RHNO1: variants seen among roughly 807,000 people sequenced by gnomAD.
The protein encoded by RHNO1 is RAD9-HUS1-RAD1 interacting nuclear orphan 1, also known as RAD9, HUS1, RAD1-interacting nuclear orphan protein 1.
RHNO1 carries 9 observed loss-of-function variants against 7.2 expected under a neutral mutation model. The ratio of observed to expected loss-of-function variants is 1.25; its 90% CI spans 0.75 to 2.18. The LOEUF (loss-of-function observed/expected upper bound fraction) is 2.18, where lower values mean the gene tolerates loss of function less well. RHNO1 is among the 30% of genes most tolerant of loss of function. RHNO1 has a pLI of 0.00. For missense variants in RHNO1, 292 were observed against 284.5 expected (o/e 1.03, Z -0.19); for synonymous variants, 95 against 107.5 (o/e 0.88, Z 0.72).
At position 2,885,454 on chromosome 12, in the gene RHNO1, T is replaced by G; in HGVS notation, c.88T>G (p.Cys30Gly). 6.2e-7 allele frequency: 1 copy of G among 1,613,372 alleles called. No homozygotes were observed. Among genetic ancestry groups the G allele is most frequent in the Non-Finnish European group, 8.5e-7 (1 of 1,179,852 alleles). ...ACCACTGGAGGGCCCCAAACACAGC[T>G]GTGCATCTACACAGCTTCCCATCAC... is the stretch of plus-strand genomic sequence containing the variant. ...QQPLEGPKHS[C>G]ASTQLPITHT... is the part of the protein sequence containing the mutation. Residue 30 changes from cysteine (C) to glycine (G), a missense_variant, in exon 2 of 3, where the codon TGT becomes GGT. Coordinates refer to ENST00000489288, the MANE Select transcript of RHNO1 (RefSeq NM_001252499.3).
At chr12:2,886,985 G>C (rs776128321) in intron 2 of RHNO1, 1 of 455,952 alleles carries the variant, frequency 2.2e-6, no homozygotes, top group South Asian at 1.5e-5. Flanking sequence ...CAGGCATTCT[G>C]CTAGGTGCTG....
chr12:2,887,772 T>A, intron 2 of RHNO1, 139 bp from the exon 3 acceptor site: 1 of 643,436 alleles, frequency 1.6e-6, no homozygotes, highest in Non-Finnish European at 2.5e-6. Context: ...CTTCCTGTTA[T>A]TATGCCATTA....
chr12:2,883,651 G>C (rs1393594366), intron 1 of RHNO1, among the ~76,000 whole-genome samples: 1 of 149,834 alleles, frequency 6.7e-6, no homozygotes, highest in East Asian at 2.0e-4. Context: ...CGAGTAGCTG[G>C]GATTACAGGC....
intron 1 of RHNO1, among the ~76,000 whole-genome samples, chr12:2,880,566 A>AT (rs2098156182): frequency 6.6e-6 from 1 of 152,070 alleles, no homozygotes; most frequent in African/African-American, 2.4e-5. Context: ...GTGAGCCGAG[A>AT]TCACGCTACT....
intron 1 of RHNO1, among the ~76,000 whole-genome samples, chr12:2,883,084 A>AAAAAAAAAAAAACAC (rs1176902071): frequency 4.0e-5 from 4 of 99,802 alleles, no homozygotes; most frequent in African/African-American, 1.6e-4. Flanking sequence ...AAAAAAAAAA[A>AAAAAAAAAAAAACAC]ACACATAGAA....
intron 2 of RHNO1, among the ~76,000 whole-genome samples, chr12:2,886,666 A>G (rs951598831): frequency 2.8e-4 from 42 of 151,650 alleles, no homozygotes; most frequent in African/African-American, 9.7e-4. Flanking sequence ...AAAAAAAAAA[A>G]AAAAAAAAAA....
At chr12:2,878,351 A>G (rs1285332968) in intron 1 of RHNO1, among the ~76,000 whole-genome samples, 1 of 152,072 alleles carries the variant, frequency 6.6e-6, no homozygotes, top group Non-Finnish European at 1.5e-5. Flanking sequence ...AAGCAGAGGG[A>G]ATCAGGCGTG....
intron 1 of RHNO1, among the ~76,000 whole-genome samples, chr12:2,878,374 G>T (rs1344886218): frequency 6.6e-6 from 1 of 152,088 alleles, no homozygotes; most frequent in African/African-American, 2.4e-5. Context: ...AAGGCTGGAT[G>T]GCAGGAGGAA....
intron 1 of RHNO1, among the ~76,000 whole-genome samples, chr12:2,880,576 T>C (rs2098156197): frequency 6.6e-6 from 1 of 152,114 alleles, no homozygotes; most frequent in South Asian, 2.1e-4. Flanking sequence ...ATCACGCTAC[T>C]GCACTCCAGC....
chr12:2,885,635 C>T (rs536779749), intron 2 of RHNO1, 101 bp downstream of exon 2: 91 of 1,078,210 alleles, frequency 8.4e-5, no homozygotes, highest in Non-Finnish European at 1.0e-4. Flanking sequence ...AGCACAGTGG[C>T]GCGATCTTGG....
chr12:2,886,278 TTTA>T (rs2098165505), intron 2 of RHNO1: 1 of 152,210 alleles, frequency 6.6e-6, no homozygotes, highest in Non-Finnish European at 1.5e-5. Context: ...AGATACTCTG[TTTA>T]TTGTGTAATG....
At chr12:2,876,826 C>T (rs1241022564), upstream of RHNO1, 1 of 152,836 alleles carries the variant, frequency 6.5e-6, no homozygotes, top group Non-Finnish European at 1.5e-5. Flanking sequence ...GGCCCGTGCC[C>T]TGCTGCTAGA....
chr12:2,885,169 A>T, intron 1 of RHNO1, 114 bp from the exon 2 acceptor site: 1 of 544,080 alleles, frequency 1.8e-6, no homozygotes, highest in South Asian at 2.7e-5. Context: ...TAGGTATAGG[A>T]GGCTGTGCTC....
At chr12:2,883,511 ATTTTTTTTT>A (rs869192550) in intron 1 of RHNO1, among the ~76,000 whole-genome samples, 5 of 26,838 alleles carry the variant, frequency 1.9e-4, no homozygotes, top group African/African-American at 3.3e-4. Context: ...ATATATATAT[ATTTTTTTTT>A]TTTTTTTTTT....
upstream of RHNO1, chr12:2,876,792 C>T (rs1177559668): frequency 2.0e-5 from 3 of 152,514 alleles, no homozygotes; most frequent in African/African-American, 4.8e-5. Flanking sequence ...AGATTCTTCC[C>T]GTGTGACCCA....
At chr12:2,880,104 A>G (rs1226656638) in intron 1 of RHNO1, among the ~76,000 whole-genome samples, 3 of 151,956 alleles carry the variant, frequency 2.0e-5, no homozygotes, top group Non-Finnish European at 2.9e-5. Context: ...ACTTGAGCCC[A>G]GGAGTTCAAG....
chr12:2,887,892 CTTTT>C lies in RHNO1; in HGVS notation c.169-7_169-4del. The C allele has an allele frequency of 7.2e-7, 1 of 1,383,256 alleles. No homozygotes were observed. The allele number at this position is 1,383,256 out of a possible 1,614,324, so 85.7% of individuals were successfully genotyped here. ...TTAGTACTTAGTTAGGCTCACCTCA[CTTTT>C]TTTTTTTTTTTAAGGTATCACCTGA... On this transcript the variant is annotated splice_polypyrimidine_tract_variant and intron_variant, in intron 2 of 2. Transcript: ENST00000489288.
In RHNO1 at chr12:2,889,420, ATTAC is replaced by A. The variant is rs1003858761; in HGVS notation, c.*965_*968del. On this transcript the variant is annotated 3_prime_UTR_variant, in exon 3 of 3. Coordinates refer to ENST00000489288, the MANE Select transcript of RHNO1 (RefSeq NM_001252499.3). ...TAAATAAGGAAAGTTTTCAATGAGTATTACTTATTGTAATTAATGCAGAAGGACT... is the reference window on the plus strand; with the variant it reads ...TAAATAAGGAAAGTTTTCAATGAGTATTATTGTAATTAATGCAGAAGGACT... 2.6e-5 allele frequency: 4 copies of A among 152,192 alleles called. No homozygotes were observed. Among genetic ancestry groups the A allele is most frequent in the Non-Finnish European group, 5.9e-5 (4 of 68,044 alleles). The allele number at this position is 152,192 out of a possible 1,614,324, so 9.4% of individuals were successfully genotyped here.
chr12:2,887,833 A>G (rs1230594799), intron 2 of RHNO1, 78 bp from the exon 3 acceptor site: 1 of 1,177,230 alleles, frequency 8.5e-7, no homozygotes, highest in African/African-American at 1.6e-5. Flanking sequence ...CCGATTTAAG[A>G]GTCTGGTCAT....
Sources: gnomAD v4.1 joint callset for allele counts (sites outside exome capture counted in the v4.1 genomes callset) on GRCh38, gnomAD v4.1.1 for gene constraint, MANE v1.5 for transcripts, NCBI Gene and HGNC (gene_info 2026-07-23, HGNC 2026-07-21) for gene names.